Variants in PARD6G observed in about 807,000 individuals in gnomAD.
The protein encoded by PARD6G is par-6 family cell polarity regulator gamma.
In PARD6G, 7 loss-of-function variants were observed where a neutral mutation model predicts 10.7. The ratio of observed to expected loss-of-function variants is 0.66; its 90% CI spans 0.37 to 1.23. The LOEUF is 1.23. Ranked by LOEUF, PARD6G falls within the 50% of genes most tolerant of loss-of-function variation. The pLI is 0.02. For synonymous variants in PARD6G, 287 were observed against 269.4 expected, an observed-to-expected ratio of 1.07 and a Z score of -0.64; for missense variants, 548 against 571.8, an observed-to-expected ratio of 0.96 and a Z score of 0.42.
chr18:80,237,816 A>G (rs1056923621), intron 1 of PARD6G, among the ~76,000 whole-genome samples: 6 of 152,200 alleles, frequency 3.9e-5, no homozygotes, highest in Non-Finnish European at 7.3e-5. Context: ...CACACCAGTT[A>G]GAATGGTGAT....
chr18:80,170,804 T>C (rs1019492293), intron 2 of PARD6G: 6 of 152,210 alleles, frequency 3.9e-5, no homozygotes. Flanking sequence ...TAACTTACTT[T>C]AGGGTCCTGT....
Position 80,188,541 on chromosome 18 carries a change from C to T in PARD6G, c.295+14169G>A, listed in dbSNP as rs1433728603. On this transcript the variant is annotated intron_variant, in intron 2 of 2. Transcript: ENST00000353265. The surrounding 1 kb of genome is among the most constrained non-coding windows in gnomAD (Gnocchi z 5.4). Reference sequence around the variant, plus strand: ...GACCCTCCTAGTACAGGCGCCTCGACCCAACTGTGCCAGCACAACCATCCC... The same window carrying T: ...GACCCTCCTAGTACAGGCGCCTCGATCCAACTGTGCCAGCACAACCATCCC... 6.6e-6 allele frequency among the ~76,000 whole-genome samples: 1 copy of T among 152,226 alleles called. No individual in the cohort carries two copies. Among genetic ancestry groups the T allele is most frequent in the African/African-American group, 2.4e-5 (1 of 41,460 alleles).
intron 1 of PARD6G, among the ~76,000 whole-genome samples, chr18:80,237,875 A>G (rs1248972102): frequency 1.3e-5 from 2 of 152,174 alleles, no homozygotes; most frequent in African/African-American, 4.8e-5. Flanking sequence ...ATGGAGAAAT[A>G]GGAACACTTT....
intron 2 of PARD6G, among the ~76,000 whole-genome samples, chr18:80,174,966 AT>A (rs372997970): frequency 2.6e-5 from 4 of 152,080 alleles, no homozygotes; most frequent in African/African-American, 7.2e-5. Flanking sequence ...AAAAAAAAAA[AT>A]GTCCATTGTA....
chr18:80,238,491 C>CA (rs537780246), intron 1 of PARD6G, among the ~76,000 whole-genome samples: 40,849 of 131,466 alleles, frequency 0.31, 6,801 homozygotes, highest in Non-Finnish European at 0.43. Flanking sequence ...TAAAGTATAA[C>CA]AAAAAAAAAA....
At chr18:80,242,513 C>G (rs970750637) in intron 1 of PARD6G, among the ~76,000 whole-genome samples, 1 of 152,242 alleles carries the variant, frequency 6.6e-6, no homozygotes, top group African/African-American at 2.4e-5. Context: ...CACTGCACAC[C>G]TGGCTGTCCC....
In PARD6G at chr18:80,160,185, G is replaced by C; in HGVS notation, c.717C>G (p.Asn239Lys). 6.2e-7 allele frequency: 1 copy of C among 1,613,358 alleles called. No individual in the cohort carries two copies. The highest frequency in any genetic ancestry group is 8.5e-7 in the Non-Finnish European group (1 of 1,179,834). Residue 239 changes from asparagine to lysine, a missense_variant, in exon 3 of 3, where the codon AAC (asparagine) becomes AAG (lysine). Transcript: ENST00000353265. Reference sequence around the variant, plus strand: ...TGACGGTGACGATGAGGTTGTGGCTGTTGGCGATCATCATGTCCGTGACCT... The same window carrying C: ...TGACGGTGACGATGAGGTTGTGGCTCTTGGCGATCATCATGTCCGTGACCT... ...LDQVTDMMIA[N>K]SHNLIVTVKP... is the part of the protein sequence containing the mutation.
intron 2 of PARD6G, among the ~76,000 whole-genome samples, chr18:80,160,807 T>TACAGCTCC (rs2145239297): frequency 6.6e-6 from 1 of 152,280 alleles, no homozygotes; most frequent in African/African-American, 2.4e-5. Context: ...GCACTCTCCT[T>TACAGCTCC]ACAGCTCCAC....
intron 1 of PARD6G, among the ~76,000 whole-genome samples, chr18:80,245,217 G>A (rs1415922675): frequency 6.6e-6 from 1 of 152,196 alleles, no homozygotes; most frequent in Non-Finnish European, 1.5e-5. Context: ...GAGGCCTGGT[G>A]AGGGCATGTC....
chr18:80,167,642 C>T (rs1055276118), intron 2 of PARD6G, among the ~76,000 whole-genome samples: 1 of 152,082 alleles, frequency 6.6e-6, no homozygotes, highest in Non-Finnish European at 1.5e-5. Context: ...CTCTCTTCCT[C>T]CCCCAGCGTC....
intron 1 of PARD6G, among the ~76,000 whole-genome samples, chr18:80,244,103 C>T (rs1967517582): frequency 6.6e-6 from 1 of 152,120 alleles, no homozygotes; most frequent in Non-Finnish European, 1.5e-5. Context: ...CCCTGTAAAC[C>T]CCTTCCGATC....
intron 1 of PARD6G, among the ~76,000 whole-genome samples, chr18:80,234,424 T>C (rs972986555): frequency 1.3e-5 from 2 of 152,210 alleles, no homozygotes; most frequent in African/African-American, 4.8e-5. Flanking sequence ...GGATCTTTTC[T>C]GATTTTGATT....
intron 2 of PARD6G, among the ~76,000 whole-genome samples, chr18:80,173,212 G>A (rs1204330404): frequency 6.6e-6 from 1 of 152,210 alleles, no homozygotes; most frequent in Non-Finnish European, 1.5e-5. Context: ...AGCATGTGAT[G>A]CACACTAGGA....
At chr18:80,244,955 G>A (rs1967528950) in intron 1 of PARD6G, among the ~76,000 whole-genome samples, 2 of 152,128 alleles carry the variant, frequency 1.3e-5, no homozygotes, top group African/African-American at 4.8e-5. Context: ...ATCACGGTGG[G>A]GAGGGCACAA....
At chr18:80,214,753 G>C (rs900296505) in intron 1 of PARD6G, among the ~76,000 whole-genome samples, 2 of 152,084 alleles carry the variant, frequency 1.3e-5, no homozygotes, top group Admixed American at 6.6e-5. Context: ...GGAGGTCCCA[G>C]AGGAGAGAAA....
chr18:80,193,252 A>C (rs979882772), intron 2 of PARD6G, among the ~76,000 whole-genome samples: 3 of 151,994 alleles, frequency 2.0e-5, no homozygotes, highest in Admixed American at 2.0e-4. Flanking sequence ...CCAGGGGAGG[A>C]GGGTCGGCCT....
chr18:80,214,337 G>A (rs1405994138), intron 1 of PARD6G, among the ~76,000 whole-genome samples: 1 of 151,928 alleles, frequency 6.6e-6, no homozygotes, highest in Admixed American at 6.6e-5. Context: ...TGGGGGGTGA[G>A]CGCCTGTAGT....
rs1012926715 is a variant in PARD6G, at chr18:80,246,846, G to T, written c.72+431C>A. ...AAGCCTCCTTTGCAGCCTTGAAGGCGCCTTGGCCAGGGCCATCCCACGGCC... is the reference window on the plus strand; with the variant it reads ...AAGCCTCCTTTGCAGCCTTGAAGGCTCCTTGGCCAGGGCCATCCCACGGCC... On this transcript the variant is annotated intron_variant, in intron 1 of 2. Coordinates refer to ENST00000353265, the MANE Select transcript of PARD6G (RefSeq NM_032510.4). The surrounding 1 kb of genome is among the most constrained non-coding windows in gnomAD (Gnocchi z 6.7). Among the ~76,000 whole-genome samples, 2 of 152,032 alleles carry T rather than the reference G, an allele frequency of 1.3e-5. No homozygotes were observed. Among genetic ancestry groups the T allele is most frequent in the Non-Finnish European group, 2.9e-5 (2 of 67,950 alleles).
intron 1 of PARD6G, among the ~76,000 whole-genome samples, chr18:80,212,812 G>A (rs1443940509): frequency 6.6e-6 from 1 of 152,004 alleles, no homozygotes; most frequent in Non-Finnish European, 1.5e-5. Context: ...TTGAACCCGG[G>A]AGGCAGAGGT....
Sources: gnomAD v4.1 joint callset for allele counts (sites outside exome capture counted in the v4.1 genomes callset) on GRCh38, gnomAD v4.1.1 for gene constraint, Gnocchi (gnomAD v3.1) non-coding constraint, MANE v1.5 for transcripts, NCBI Gene and HGNC (gene_info 2026-07-23, HGNC 2026-07-21) for gene names.